Variants in KCTD17 observed in about 807,000 individuals in gnomAD.
The protein encoded by KCTD17 is BTB/POZ domain-containing protein KCTD17.
A neutral mutation model predicts 41.5 loss-of-function variants in KCTD17; 20 were observed. The observed-to-expected ratio is 0.48, with a 90% CI of 0.34 to 0.70. The LOEUF is 0.70. Ranked by LOEUF, KCTD17 falls within the 30% of genes least tolerant of loss-of-function variation. KCTD17 has a pLI of 0.01. For missense variants in KCTD17, 317 were observed against 427.2 expected (o/e 0.74, Z 2.27); for synonymous variants, 156 against 173.8 (o/e 0.90, Z 0.80).
intron 5 of KCTD17, 123 bp downstream of exon 5, chr22:37,059,561 AC>A: frequency 8.5e-7 from 1 of 1,171,442 alleles, no homozygotes; most frequent in Non-Finnish European, 1.2e-6. Flanking sequence ...CCCATGCACA[AC>A]CCCATGCTCA....
rs1261369510 is a variant in KCTD17, at chr22:37,051,810, G to T, written c.50G>T (p.Arg17Leu). 7 of 1,276,230 alleles carry T rather than the reference G, an allele frequency of 5.5e-6. No homozygotes were observed. The African/African-American group carries it at 9.3e-5, about 17-fold the overall frequency. 79.1% of individuals were successfully genotyped at this position (1,276,230 alleles called of 1,614,324 possible). A position where few individuals can be genotyped will look rare whatever the true frequency, so the allele number is the denominator to read the frequency against. ...EAAPPAGAGG[R>L]AAGGWGKWVR... The stretch of plus-strand genomic sequence containing the variant: ...GCGCCGCCGGCGGGGGCGGGCGGCC[G>T]CGCCGCAGGCGGCTGGGGCAAGTGG... Residue 17 changes from arginine (R) to leucine (L), a missense_variant, in exon 1 of 9, where the codon CGC (arginine) becomes CTC (leucine). Arg to Leu is a moderately radical substitution (Grantham distance 102). This residue lies in a region of KCTD17 where 99 missense variants were observed against 166.5 expected (regional missense o/e 0.59). Transcript: ENST00000403888.
At position 37,053,114 on chromosome 22, in the gene KCTD17, C is replaced by T; in HGVS notation, c.204C>T (p.Ala68=). 6.3e-7 allele frequency: 1 copy of T among 1,592,608 alleles called. No individual in the cohort carries two copies. The highest frequency in any genetic ancestry group is 8.5e-7 in the Non-Finnish European group (1 of 1,169,650). Residue 68 remains alanine (A), a synonymous_variant, in exon 2 of 9, where the codon GCC becomes GCT. Coordinates refer to ENST00000403888, the MANE Select transcript of KCTD17 (RefSeq NM_001282684.2). This position sits in a 1 kb window ranked among gnomAD's most constrained non-coding sequence, Gnocchi z 4.1. ...CACCTCCATAGGATGAGACCGGGGC[C>T]TACCTCATTGACCGTGACCCCACCT... ...ELQSDRDETG[A]YLIDRDPTYF...
chr22:37,056,452 A>G (rs1179547015), intron 3 of KCTD17, 41 bp downstream of exon 3: 3 of 1,521,862 alleles, frequency 2.0e-6, no homozygotes, highest in East Asian at 2.3e-5. Flanking sequence ...GGCAGGGGCC[A>G]GTGGGGAGAG....
intron 5 of KCTD17, 101 bp downstream of exon 5, chr22:37,059,539 C>T (rs1474271651): frequency 2.2e-6 from 3 of 1,355,972 alleles, no homozygotes; most frequent in East Asian, 2.3e-5. Flanking sequence ...CTCCACCTCT[C>T]TCCCGCCACC....
chr22:37,052,490 A>G (rs1250415896), intron 1 of KCTD17: 3 of 462,456 alleles, frequency 6.5e-6, no homozygotes, highest in South Asian at 3.1e-5. Flanking sequence ...CCTTCCCTGC[A>G]CTGCGCTCAG....
chr22:37,062,560 C>A lies in KCTD17; in HGVS notation c.911C>A (p.Pro304Gln). 1.2e-6 allele frequency: 2 copies of A among 1,613,534 alleles called. No individual in the cohort carries two copies. Among genetic ancestry groups the A allele is most frequent in the Non-Finnish European group, 1.7e-6 (2 of 1,179,788 alleles). The change falls in exon 9 of 9, where the codon CCA becomes CAA. Residue 304 changes from proline to glutamine, a missense_variant. Transcript: ENST00000403888. ...YKPEAPGCEA[P>Q]DHLQGLGVPI ...CCAGAGGCACCCGGATGTGAGGCCC[C>A]AGATCACCTCCAGGGACTTGGGGTT... is the stretch of plus-strand genomic sequence containing the variant.
At position 37,059,427 on chromosome 22, in the gene KCTD17, C is replaced by T. The variant is rs543313859; in HGVS notation, c.601C>T (p.Arg201Cys). 50 of 1,609,866 alleles carry T rather than the reference C, an allele frequency of 3.1e-5. No homozygotes were observed. The highest frequency in any genetic ancestry group is 2.9e-4 in the South Asian group (26 of 91,054). Residue 201 changes from arginine to cysteine, a missense_variant, in exon 5 of 9, where the codon CGC becomes TGC. Physicochemically the swap from Arg to Cys is radical, Grantham distance 180. Transcript: ENST00000403888. ...AAACGGGCTGAGCTCAGAGTCCAGC[C>T]GCAAAACCAAGGTGAGCCCACCCGC... The part of the protein sequence containing the change: ...TPNGLSSESS[R>C]KTKSTEEQLE...
chr22:37,056,556 C>T, intron 3 of KCTD17, 145 bp downstream of exon 3: 1 of 648,972 alleles, frequency 1.5e-6, no homozygotes, highest in Admixed American at 2.7e-5. Flanking sequence ...TAAGGAGAGG[C>T]ATGGTTGGGC....
At position 37,061,489 on chromosome 22, in the gene KCTD17, T is replaced by C. The variant is rs1321928882; in HGVS notation, c.785-50T>C. ...GAGACTGGGCCCTGGCTGCAGGCCC[T>C]GCCCCCCCTCCTCTCCTCCCGGCCT... On this transcript the variant is annotated intron_variant, in intron 7 of 8. Transcript: ENST00000403888. The surrounding 1 kb of genome is among the most constrained non-coding windows in gnomAD (Gnocchi z 6.6). 21 of 1,565,802 alleles carry C rather than the reference T, an allele frequency of 1.3e-5. No individual in the cohort carries two copies. Among genetic ancestry groups the C allele is most frequent in the Middle Eastern group, 1.7e-4 (1 of 5,990 alleles).
At chr22:37,055,043 CT>C (rs1163183511) in intron 2 of KCTD17, 1 of 152,216 alleles carries the variant, frequency 6.6e-6, no homozygotes, top group African/African-American at 2.4e-5. Flanking sequence ...GGATTGCAGA[CT>C]GCTGACTTCT....
chr22:37,061,484 G>C lies in KCTD17; in HGVS notation c.785-55G>C. ...CCTCTGAGACTGGGCCCTGGCTGCA[G>C]GCCCTGCCCCCCCTCCTCTCCTCCC... On this transcript the variant is annotated intron_variant, in intron 7 of 8. Coordinates refer to ENST00000403888, the MANE Select transcript of KCTD17 (RefSeq NM_001282684.2). The surrounding 1 kb of genome is among the most constrained non-coding windows in gnomAD (Gnocchi z 6.6). The C allele has an allele frequency of 1.3e-6, 2 of 1,559,876 alleles. No homozygotes were observed. The highest frequency in any genetic ancestry group is 1.7e-6 in the Non-Finnish European group (2 of 1,157,534).
chr22:37,060,496 C>T (rs1925650020), intron 5 of KCTD17, among the ~76,000 whole-genome samples: 1 of 152,176 alleles, frequency 6.6e-6, no homozygotes, highest in Non-Finnish European at 1.5e-5. Context: ...ACAAGGCCTT[C>T]CCAGGCACCC....
chr22:37,057,620 G>T (rs1281666952), intron 4 of KCTD17, 127 bp downstream of exon 4: 4 of 701,462 alleles, frequency 5.7e-6, no homozygotes. Context: ...CAACCCCAGG[G>T]TTCTTCTGAA....
In KCTD17 at chr22:37,062,512, CTT is replaced by C. The variant is rs751146810; in HGVS notation, c.876-6_876-5del. 6.2e-7 allele frequency: 1 copy of C among 1,611,324 alleles called. No individual in the cohort carries two copies. Among genetic ancestry groups the C allele is most frequent in the Non-Finnish European group, 8.5e-7 (1 of 1,178,872 alleles). On this transcript the variant is annotated splice_polypyrimidine_tract_variant and intron_variant, in intron 8 of 8. Coordinates refer to ENST00000403888, the MANE Select transcript of KCTD17 (RefSeq NM_001282684.2). Reference sequence around the variant, plus strand: ...CCTCCCATCCTCCTGCCCTTCCCCTCTTTTTTTTCTAGCTGTTACAAGCCAGA... The same window carrying C: ...CCTCCCATCCTCCTGCCCTTCCCCTCTTTTTTCTAGCTGTTACAAGCCAGA...
In KCTD17 at chr22:37,061,712, C is replaced by G; in HGVS notation, c.875+83C>G. On this transcript the variant is annotated intron_variant, in intron 8 of 8. Coordinates refer to ENST00000403888, the MANE Select transcript of KCTD17 (RefSeq NM_001282684.2). The surrounding 1 kb of genome is among the most constrained non-coding windows in gnomAD (Gnocchi z 6.6). The stretch of plus-strand genomic sequence containing the variant: ...GATCCTTGGACTTGAGCCGAGCTTT[C>G]GGCTGATTATCTCCACCCACCAAAG... The G allele has an allele frequency of 6.7e-7, 1 of 1,498,454 alleles. No individual in the cohort carries two copies. The highest frequency in any genetic ancestry group is 2.5e-5 in the East Asian group (1 of 40,016). 92.8% of individuals were successfully genotyped at this position (1,498,454 alleles called of 1,614,324 possible).
chr22:37,055,657 C>T (rs1925016398), intron 2 of KCTD17, among the ~76,000 whole-genome samples: 1 of 152,206 alleles, frequency 6.6e-6, no homozygotes, highest in Non-Finnish European at 1.5e-5. Context: ...TGCCTGCTCT[C>T]CTCATATCCC....
Position 37,053,028 on chromosome 22 carries a change from C to G in KCTD17, c.190-72C>G. The G allele has an allele frequency of 5.6e-6, 7 of 1,243,292 alleles. No individual in the cohort carries two copies. The highest frequency in any genetic ancestry group is 8.1e-6 in the Non-Finnish European group (7 of 869,028). The allele number at this position is 1,243,292 out of a possible 1,614,324, so 77.0% of individuals were successfully genotyped here. ...AGCTCTCCCTCCACTCTCCTTCCCT[C>G]CCTGTGCGTGTGCGGGGTTGGCTGG... On this transcript the variant is annotated intron_variant, in intron 1 of 8. Transcript: ENST00000403888. The surrounding 1 kb of genome is among the most constrained non-coding windows in gnomAD (Gnocchi z 4.1).
At chr22:37,052,105 G>A (rs2145950565) in intron 1 of KCTD17, 156 bp downstream of exon 1, 3 of 862,632 alleles carry the variant, frequency 3.5e-6, no homozygotes, top group Middle Eastern at 4.1e-4. Flanking sequence ...AGGGGAGGGG[G>A]AGGTGGGTCT....
intron 4 of KCTD17, 119 bp downstream of exon 4, chr22:37,057,612 A>G (rs1176535922): frequency 5.5e-6 from 4 of 720,738 alleles, no homozygotes; most frequent in Admixed American, 2.3e-5. Context: ...GTCTCCCCCA[A>G]CCCCAGGGTT....
Sources: gnomAD v4.1 joint callset for allele counts (sites outside exome capture counted in the v4.1 genomes callset) on GRCh38, gnomAD v4.1.1 for gene constraint, gnomAD v4.1.1 regional missense constraint, Gnocchi (gnomAD v3.1) non-coding constraint, MANE v1.5 for transcripts, NCBI Gene and HGNC (gene_info 2026-07-23, HGNC 2026-07-21) for gene names.